The following CDYL2 variants were observed in gnomAD, a reference collection of about 807,000 sequenced individuals.
CDYL2 encodes chromodomain Y-like protein 2.
In CDYL2, 23 loss-of-function variants were observed where a neutral mutation model predicts 49.4. That is an observed-to-expected ratio of 0.47 (90% CI 0.34 to 0.66). The LOEUF (loss-of-function observed/expected upper bound fraction) is 0.66, where lower values mean the gene tolerates loss of function less well. CDYL2 is among the 30% of genes least tolerant of loss of function. The pLI is 0.01. For missense variants in CDYL2, 678 were observed against 656.4 expected, an observed-to-expected ratio of 1.03 and a Z score of -0.36; for synonymous variants, 360 against 268.8, an observed-to-expected ratio of 1.34 and a Z score of -3.32.
At chr16:80,687,444 G>A (rs1230958062) in intron 1 of CDYL2, among the ~76,000 whole-genome samples, 1 of 152,098 alleles carries the variant, frequency 6.6e-6, no homozygotes, top group Non-Finnish European at 1.5e-5. Flanking sequence ...ATGGTGGGAT[G>A]TATGGGTGAC....
At position 80,705,815 on chromosome 16, in the gene CDYL2, T is replaced by C. The variant is rs1029008729; in HGVS notation, c.25-20686A>G. On this transcript the variant is annotated intron_variant, in intron 1 of 6. Transcript: ENST00000570137. ...ATAAAACTTTATTTATAAAAACAAA[T>C]GGTGGGCCAGATTTGGCCTGTGGCC... Among the ~76,000 whole-genome samples the C allele has an allele frequency of 4.6e-5, 7 of 152,266 alleles. No individual in the cohort carries two copies. In the East Asian group the frequency reaches 5.8e-4, roughly 13 times the overall value.
intron 1 of CDYL2, among the ~76,000 whole-genome samples, chr16:80,767,778 C>T (rs1906775259): frequency 6.6e-6 from 1 of 152,124 alleles, no homozygotes; most frequent in Admixed American, 6.5e-5. Context: ...CACTGGGTGC[C>T]TACTATATGC....
At chr16:80,804,015 GC>G in intron 1 of CDYL2, 134 bp downstream of exon 1, 112 of 494,180 alleles carry the variant, frequency 2.3e-4, no homozygotes, top group South Asian at 3.6e-4. Flanking sequence ...CCCTCCGGCC[GC>G]CGCCGCCGCC....
intron 3 of CDYL2, 126 bp from the exon 4 acceptor site, chr16:80,621,061 G>A: frequency 9.3e-7 from 1 of 1,076,230 alleles, no homozygotes; most frequent in Middle Eastern, 3.2e-4. Context: ...GCTTCTGCCT[G>A]TGCAGGGAGC....
chr16:80,790,879 C>G (rs1048240341), intron 1 of CDYL2, among the ~76,000 whole-genome samples: 17 of 152,292 alleles, frequency 1.1e-4, no homozygotes, highest in Admixed American at 9.8e-4. Flanking sequence ...TCAAGATTTT[C>G]AAGGAGACTC....
chr16:80,621,877 T>A (rs1307697690), intron 3 of CDYL2, among the ~76,000 whole-genome samples: 2 of 152,106 alleles, frequency 1.3e-5, no homozygotes, highest in African/African-American at 4.8e-5. Flanking sequence ...TAGACACAGG[T>A]GCCCTCGGTA....
intron 1 of CDYL2, among the ~76,000 whole-genome samples, chr16:80,742,671 A>G (rs543284779): frequency 6.7e-6 from 1 of 150,192 alleles, no homozygotes; most frequent in Non-Finnish European, 1.5e-5. Flanking sequence ...ATGGGTAGAA[A>G]GGGTGGATGA....
At chr16:80,724,058 G>A (rs1905087201) in intron 1 of CDYL2, among the ~76,000 whole-genome samples, 2 of 145,818 alleles carry the variant, frequency 1.4e-5, no homozygotes, top group Admixed American at 6.9e-5. Flanking sequence ...AAGATGAAGA[G>A]GAAGAAAGAA....
chr16:80,659,103 A>G (rs550829182), intron 2 of CDYL2, among the ~76,000 whole-genome samples: 13 of 143,196 alleles, frequency 9.1e-5, no homozygotes, highest in African/African-American at 1.4e-4. Flanking sequence ...ATGGATGGAC[A>G]GACGGATGGA....
chr16:80,703,438 G>C (rs1400127782), intron 1 of CDYL2, among the ~76,000 whole-genome samples: 1 of 152,134 alleles, frequency 6.6e-6, no homozygotes, highest in East Asian at 1.9e-4. Flanking sequence ...CTTATCCCCA[G>C]ATTCAGGATT....
At chr16:80,710,947 T>C (rs988287059) in intron 1 of CDYL2, among the ~76,000 whole-genome samples, 2 of 152,258 alleles carry the variant, frequency 1.3e-5, no homozygotes, top group African/African-American at 4.8e-5. Context: ...TACATATTTT[T>C]GTAACAGTAC....
At chr16:80,710,091 C>T (rs1487646318) in intron 1 of CDYL2, among the ~76,000 whole-genome samples, 1 of 152,158 alleles carries the variant, frequency 6.6e-6, no homozygotes, top group East Asian at 1.9e-4. Flanking sequence ...CCACGCCTGG[C>T]TAATTTTTGT....
At chr16:80,619,935 G>A (rs138584940) in intron 4 of CDYL2, among the ~76,000 whole-genome samples, 55 of 152,294 alleles carry the variant, frequency 3.6e-4, no homozygotes, top group East Asian at 3.1e-3. Flanking sequence ...CATAGAGACT[G>A]GAGGCCCCAG....
chr16:80,726,130 A>C (rs1905155384), intron 1 of CDYL2, among the ~76,000 whole-genome samples: 1 of 152,252 alleles, frequency 6.6e-6, no homozygotes, highest in African/African-American at 2.4e-5. Flanking sequence ...TCATCAGTTC[A>C]AACGGTTGAG....
chr16:80,790,704 T>C (rs1477853173), intron 1 of CDYL2, among the ~76,000 whole-genome samples: 1 of 152,224 alleles, frequency 6.6e-6, no homozygotes, highest in Non-Finnish European at 1.5e-5. Flanking sequence ...AGTTTGGATT[T>C]CTAGGAAAAG....
intron 2 of CDYL2, among the ~76,000 whole-genome samples, chr16:80,639,519 T>TA (rs1480912240): frequency 1.3e-5 from 2 of 151,942 alleles, no homozygotes; most frequent in Non-Finnish European, 2.9e-5. Flanking sequence ...TATTCAGCAA[T>TA]AAAAAATGAG....
intron 2 of CDYL2, among the ~76,000 whole-genome samples, chr16:80,661,790 T>G (rs569232552): frequency 1.3e-5 from 2 of 152,210 alleles, no homozygotes; most frequent in East Asian, 1.9e-4. Flanking sequence ...CATTTCACTA[T>G]GTTATCATCA....
At chr16:80,663,749 C>T (rs1436965227) in intron 2 of CDYL2, among the ~76,000 whole-genome samples, 5 of 152,168 alleles carry the variant, frequency 3.3e-5, no homozygotes, top group Non-Finnish European at 5.9e-5. Context: ...CCCACCACCA[C>T]ACCCAGCTAA....
At chr16:80,754,751 T>C (rs1442181948) in intron 1 of CDYL2, among the ~76,000 whole-genome samples, 1 of 152,180 alleles carries the variant, frequency 6.6e-6, no homozygotes, top group East Asian at 1.9e-4. Flanking sequence ...CAATAAGTTA[T>C]TAGTTTGAGC....
Sources: allele counts gnomAD v4.1 joint callset (sites outside exome capture counted in the v4.1 genomes callset), GRCh38; gene constraint gnomAD v4.1.1; transcripts MANE v1.5; gene names NCBI Gene and HGNC (gene_info 2026-07-23, HGNC 2026-07-21).